The following VCL variants were observed in gnomAD, a reference collection of about 807,000 sequenced individuals.
The protein encoded by VCL is epididymis luminal protein 114.
Under a neutral mutation model 125.7 loss-of-function variants are expected in VCL, and 47 were observed. The observed-to-expected ratio is 0.37, with a 90% CI of 0.30 to 0.48. The LOEUF is 0.48. Among genes scored for constraint, VCL ranks in the 20% least tolerant of loss-of-function variants. The pLI is 0.99. For synonymous variants in VCL, 458 were observed against 514.6 expected (o/e 0.89, Z 1.49); for missense variants, 1,069 against 1,455.5 (o/e 0.73, Z 4.32).
chr10:74,106,632 C>T (rs1473945585), intron 16 of VCL, among the ~76,000 whole-genome samples: 1 of 152,164 alleles, frequency 6.6e-6, no homozygotes, highest in East Asian at 1.9e-4. Context: ...GAGGGGCTCC[C>T]CTATTCATCT....
chr10:74,119,228 C>T lies in VCL; in HGVS notation c.*1059C>T, dbSNP rs1463508133. On this transcript the variant is annotated 3_prime_UTR_variant, in exon 22 of 22. Coordinates refer to ENST00000211998, the MANE Select transcript of VCL (RefSeq NM_014000.3). Reference sequence around the variant, plus strand: ...TTTTAAAGACATGTAGGTGTTTGTTCATCTGTAACTCTAAAAGATCCTTTT... The same window carrying T: ...TTTTAAAGACATGTAGGTGTTTGTTTATCTGTAACTCTAAAAGATCCTTTT... 3.3e-5 allele frequency: 5 copies of T among 152,648 alleles called. No individual in the cohort carries two copies. Among genetic ancestry groups the T allele is most frequent in the Admixed American group, 6.5e-5 (1 of 15,284 alleles). 9.5% of individuals were successfully genotyped at this position (152,648 alleles called of 1,614,324 possible).
At chr10:74,040,976 C>G (rs1160966409) in intron 1 of VCL, among the ~76,000 whole-genome samples, 2 of 152,170 alleles carry the variant, frequency 1.3e-5, no homozygotes, top group Non-Finnish European at 2.9e-5. Flanking sequence ...TCCACCTCAG[C>G]CTCCCAAGCA....
intron 16 of VCL, among the ~76,000 whole-genome samples, chr10:74,106,514 G>A (rs1181305814): frequency 6.6e-6 from 1 of 152,074 alleles, no homozygotes; most frequent in Non-Finnish European, 1.5e-5. Context: ...GATCATAATT[G>A]GAGCCGCTCC....
Position 74,090,144 on chromosome 10 carries a change from G to T in VCL, c.1298G>T (p.Arg433Leu). 2 of 1,614,158 alleles carry T rather than the reference G, an allele frequency of 1.2e-6. No homozygotes were observed. The highest frequency in any genetic ancestry group is 1.7e-6 in the Non-Finnish European group (2 of 1,180,020). ...DDPKERDDIL[R>L]SLGEISALTS... Reference sequence around the variant, plus strand: ...CCTAAAGAAAGAGATGACATTCTACGTTCCCTTGGGGAAATATCTGCTCTG... The same window carrying T: ...CCTAAAGAAAGAGATGACATTCTACTTTCCCTTGGGGAAATATCTGCTCTG... Residue 433 changes from arginine to leucine, a missense_variant, in exon 10 of 22, where the codon CGT (arginine) becomes CTT (leucine). By Grantham distance (102) the Arg-to-Leu change is moderately radical. This residue lies in a region of VCL where 760 missense variants were observed against 928.9 expected (regional missense o/e 0.82). Transcript: ENST00000211998.
At chr10:74,003,171 C>T (rs929629172) in intron 1 of VCL, among the ~76,000 whole-genome samples, 6 of 151,884 alleles carry the variant, frequency 4.0e-5, no homozygotes, top group Non-Finnish European at 5.9e-5. Flanking sequence ...CTCCCGGGTT[C>T]AAGTGATTCT....
chr10:74,069,300 A>C (rs1841624767), intron 2 of VCL, among the ~76,000 whole-genome samples: 1 of 152,130 alleles, frequency 6.6e-6, no homozygotes, highest in Non-Finnish European at 1.5e-5. Flanking sequence ...TTGGCCTCTC[A>C]AAGTGCTGGG....
chr10:74,023,583 T>C (rs1043932701), intron 1 of VCL, among the ~76,000 whole-genome samples: 6 of 152,250 alleles, frequency 3.9e-5, no homozygotes, highest in African/African-American at 1.4e-4. Flanking sequence ...GGGAATAAGT[T>C]ATCTGAGATG....
rs794729191 is a variant in VCL at position 74,095,820 on chromosome 10, C to T, written c.1708C>T (p.Arg570Ter). Reference sequence around the variant, plus strand: ...AGGGGAAGGGGAGAGTCCTCAGGCACGAGCACTTGCATCTCAGCTCCAAGA... The same window carrying T: ...AGGGGAAGGGGAGAGTCCTCAGGCATGAGCACTTGCATCTCAGCTCCAAGA... The part of the protein sequence containing the change: ...ARGEGESPQA[R>*]ALASQLQDSL... The change falls in exon 12 of 22, where the codon CGA becomes TGA. Residue 570 changes from arginine (R) to a stop codon, truncating the protein, a stop_gained. Transcript: ENST00000211998. LOFTEE classifies it high-confidence loss of function. The T allele has an allele frequency of 4.3e-6, 7 of 1,614,012 alleles. No individual in the cohort carries two copies. The highest frequency in any genetic ancestry group is 2.2e-5 in the East Asian group (1 of 44,866).
Position 74,043,138 on chromosome 10 carries a change from C to T in VCL, c.224C>T (p.Pro75Leu), listed in dbSNP as rs373830664. 7.4e-6 allele frequency: 12 copies of T among 1,613,088 alleles called. No homozygotes were observed. The East Asian group carries it at 1.6e-4, about 21-fold the overall frequency. ...TEDQILKRDM[P>L]PAFIKVENAC... ...GATCAGATTTTGAAGAGAGATATGCCACCAGCATTTATTAAGTGAGTAATT... is the reference window on the plus strand; with the variant it reads ...GATCAGATTTTGAAGAGAGATATGCTACCAGCATTTATTAAGTGAGTAATT... The change falls in exon 2 of 22, where the codon CCA (proline) becomes CTA (leucine). Residue 75 changes from proline to leucine, a missense_variant. By Grantham distance (98) the Pro-to-Leu change is moderately conservative. Coordinates refer to ENST00000211998, the MANE Select transcript of VCL (RefSeq NM_014000.3).
In VCL at chr10:74,083,546, TG is replaced by T. The variant is rs761107829; in HGVS notation, c.1022+36del. 8.1e-6 allele frequency: 13 copies of T among 1,612,014 alleles called. No individual in the cohort carries two copies. In the South Asian group the frequency reaches 1.3e-4, roughly 16 times the overall value. On this transcript the variant is annotated intron_variant, in intron 8 of 21. Coordinates refer to ENST00000211998, the MANE Select transcript of VCL (RefSeq NM_014000.3). ...TTCCTCTGTCCTTACAGAGCAGTAG[TG>T]GGTAACTCACTCCTAACAGGGTGAT...
At position 74,100,954 on chromosome 10, in the gene VCL, G is replaced by A. The variant is rs1251173111; in HGVS notation, c.1879G>A (p.Asp627Asn). The A allele has an allele frequency of 1.8e-5, 29 of 1,613,984 alleles. No individual in the cohort carries two copies. The highest frequency in any genetic ancestry group is 2.4e-5 in the Non-Finnish European group (28 of 1,179,968). Residue 627 changes from aspartate to asparagine, a missense_variant, in exon 14 of 22, where the codon GAT becomes AAT. This residue lies in a region of VCL where 760 missense variants were observed against 928.9 expected (regional missense o/e 0.82). Coordinates refer to ENST00000211998, the MANE Select transcript of VCL (RefSeq NM_014000.3). ...TATCTGTTTTTTCCTCAAGGTATTT[G>A]ATGAGAGGGCAGCTAACTTTGAAAA... ...PDAPNREEVFDERAANFENHS... is the reference protein window; with the variant it reads ...PDAPNREEVFNERAANFENHS...
chr10:74,050,185 T>C (rs918445571), intron 2 of VCL, among the ~76,000 whole-genome samples: 2 of 152,226 alleles, frequency 1.3e-5, no homozygotes, highest in African/African-American at 4.8e-5. Context: ...GTGTTGTCAC[T>C]TTCTGCCTTA....
intron 1 of VCL, among the ~76,000 whole-genome samples, chr10:74,040,666 G>A (rs1210275497): frequency 6.6e-6 from 1 of 152,180 alleles, no homozygotes; most frequent in Non-Finnish European, 1.5e-5. Flanking sequence ...ACCAGCTGCT[G>A]ATTTAAAAGC....
chr10:74,038,388 A>G (rs1171922087), intron 1 of VCL, among the ~76,000 whole-genome samples: 1 of 152,210 alleles, frequency 6.6e-6, no homozygotes, highest in Non-Finnish European at 1.5e-5. Context: ...TTTCCATCAT[A>G]AAAGAAAATT....
intron 1 of VCL, among the ~76,000 whole-genome samples, chr10:74,042,302 CT>C (rs1488370092): frequency 1.3e-5 from 2 of 152,082 alleles, no homozygotes; most frequent in Non-Finnish European, 1.5e-5. Flanking sequence ...AGTGTTTTAG[CT>C]TTTATAACTG....
intron 1 of VCL, among the ~76,000 whole-genome samples, chr10:74,013,825 G>A (rs1409338496): frequency 1.3e-5 from 2 of 152,106 alleles, no homozygotes; most frequent in Admixed American, 1.3e-4. Flanking sequence ...ATGAGTGTTA[G>A]ATTTTATCAT....
At position 74,072,891 on chromosome 10, in the gene VCL, A is replaced by T. The variant is rs541471792; in HGVS notation, c.622+39A>T. ...GTACTTTATTTTATAGGGGGGAAAA[A>T]TGTTAGCATGTTCTAAACTCTGAGG... On this transcript the variant is annotated intron_variant, in intron 5 of 21. Coordinates refer to ENST00000211998, the MANE Select transcript of VCL (RefSeq NM_014000.3). 23 of 1,612,528 alleles carry T rather than the reference A, an allele frequency of 1.4e-5. No individual in the cohort carries two copies. The African/African-American group carries it at 2.1e-4, about 15-fold the overall frequency.
At chr10:74,108,735 C>T (rs1840175520) in intron 17 of VCL, among the ~76,000 whole-genome samples, 1 of 152,162 alleles carries the variant, frequency 6.6e-6, no homozygotes, top group Admixed American at 6.5e-5. Context: ...CTGCCTTGGC[C>T]TCCCAAAGTG....
intron 2 of VCL, among the ~76,000 whole-genome samples, chr10:74,064,321 C>T (rs1166395009): frequency 6.6e-6 from 1 of 152,188 alleles, no homozygotes; most frequent in African/African-American, 2.4e-5. Flanking sequence ...AACTCTCTGA[C>T]CATGCCTTGA....
Sources: gnomAD v4.1 joint callset for allele counts (sites outside exome capture counted in the v4.1 genomes callset) on GRCh38, gnomAD v4.1.1 for gene constraint, gnomAD v4.1.1 regional missense constraint, MANE v1.5 for transcripts, NCBI Gene and HGNC (gene_info 2026-07-23, HGNC 2026-07-21) for gene names.